The following CTNNA2 variants were observed in gnomAD, a reference collection of about 807,000 sequenced individuals.
CTNNA2 encodes the protein catenin alpha-2.
Under a neutral mutation model 101.0 loss-of-function variants are expected in CTNNA2, and 42 were observed. That is an observed-to-expected ratio of 0.42 (90% CI 0.32 to 0.54). The LOEUF (loss-of-function observed/expected upper bound fraction) is 0.54, where lower values mean the gene tolerates loss of function less well. CTNNA2 is among the 20% of genes least tolerant of loss of function. CTNNA2 has a pLI of 0.14. For synonymous variants in CTNNA2, 450 were observed against 456.4 expected, an observed-to-expected ratio of 0.99 and a Z score of 0.18; for missense variants, 871 against 1,223.1, an observed-to-expected ratio of 0.71 and a Z score of 4.29.
chr2:79,507,318 A>G (rs1210638058), intron 5 of CTNNA2, among the ~76,000 whole-genome samples: 1 of 152,198 alleles, frequency 6.6e-6, no homozygotes, highest in Non-Finnish European at 1.5e-5. Flanking sequence ...ACAATGCAAC[A>G]GTGTTGAGAA....
chr2:80,080,832 T>C (rs1052694718), intron 7 of CTNNA2, among the ~76,000 whole-genome samples: 1 of 151,426 alleles, frequency 6.6e-6, no homozygotes, highest in Non-Finnish European at 1.5e-5. Context: ...AAGTCTAGTC[T>C]CTAGTATATA....
chr2:79,827,164 G>A (rs879338239), intron 3 of CTNNA2, among the ~76,000 whole-genome samples: 3 of 151,814 alleles, frequency 2.0e-5, no homozygotes, highest in Non-Finnish European at 2.9e-5. Flanking sequence ...GCAGCCTCCC[G>A]AGTAGCTAGG....
At chr2:80,622,765 C>G (rs979926424) in intron 18 of CTNNA2, among the ~76,000 whole-genome samples, 1 of 151,840 alleles carries the variant, frequency 6.6e-6, no homozygotes, top group East Asian at 2.0e-4. Flanking sequence ...GAGTCTCTTC[C>G]AAGTTATTAC....
At chr2:80,067,548 G>A (rs1388306024) in intron 7 of CTNNA2, among the ~76,000 whole-genome samples, 1 of 152,100 alleles carries the variant, frequency 6.6e-6, no homozygotes, top group Non-Finnish European at 1.5e-5. Flanking sequence ...GTTGTTTAAG[G>A]AAAATTATTT....
chr2:80,449,233 A>T (rs935212801), intron 9 of CTNNA2, among the ~76,000 whole-genome samples: 3 of 152,064 alleles, frequency 2.0e-5, no homozygotes, highest in Admixed American at 2.0e-4. Flanking sequence ...GCTATGATCA[A>T]TCATGCCACT....
chr2:79,221,604 A>AT (rs76220212), intron 2 of CTNNA2, among the ~76,000 whole-genome samples: 76 of 148,650 alleles, frequency 5.1e-4, no homozygotes, highest in African/African-American at 1.1e-3. Context: ...AGCTTGGCAA[A>AT]TTTTTTTTTT....
chr2:79,667,438 T>C (rs1292306955), intron 2 of CTNNA2, among the ~76,000 whole-genome samples: 1 of 152,194 alleles, frequency 6.6e-6, no homozygotes, highest in Non-Finnish European at 1.5e-5. Flanking sequence ...ACCTGGAGGG[T>C]TCTTTTTTGC....
At chr2:79,262,910 A>T (rs1674942235) in intron 2 of CTNNA2, among the ~76,000 whole-genome samples, 2 of 152,138 alleles carry the variant, frequency 1.3e-5, no homozygotes, top group East Asian at 1.9e-4. Flanking sequence ...CCCTACCACC[A>T]TTCTAGGTGC....
chr2:79,769,037 A>G (rs1247240294), intron 3 of CTNNA2, among the ~76,000 whole-genome samples: 1 of 151,972 alleles, frequency 6.6e-6, no homozygotes, highest in African/African-American at 2.4e-5. Context: ...TTGTATTTTT[A>G]GTAGAGAAGA....
At chr2:80,432,078 T>TTG (rs1681583056) in intron 9 of CTNNA2, among the ~76,000 whole-genome samples, 1 of 152,138 alleles carries the variant, frequency 6.6e-6, no homozygotes, top group African/African-American at 2.4e-5. Context: ...GAAATTAATA[T>TTG]AAAAATTACT....
At chr2:79,934,011 C>A (rs1687624227) in intron 7 of CTNNA2, among the ~76,000 whole-genome samples, 1 of 152,078 alleles carries the variant, frequency 6.6e-6, no homozygotes, top group Non-Finnish European at 1.5e-5. Flanking sequence ...CAGAAGAGGT[C>A]TATGTTTTAG....
chr2:79,727,448 A>G (rs1165086499), intron 2 of CTNNA2, among the ~76,000 whole-genome samples: 1 of 152,152 alleles, frequency 6.6e-6, no homozygotes, highest in Non-Finnish European at 1.5e-5. Flanking sequence ...GAGATCTCTG[A>G]TATTCTTTTG....
At chr2:79,982,317 CAT>C (rs1040250061) in intron 7 of CTNNA2, among the ~76,000 whole-genome samples, 6 of 134,638 alleles carry the variant, frequency 4.5e-5, no homozygotes, top group Admixed American at 2.3e-4. Context: ...ACATATATAA[CAT>C]ATATAACACA....
In CTNNA2 at chr2:79,852,403, G is replaced by A. The variant is rs183292694; in HGVS notation, c.299-5610G>A. Among the ~76,000 whole-genome samples the A allele has an allele frequency of 1.4e-3, 209 of 152,198 alleles. 1 individual carries two copies. The highest frequency in any genetic ancestry group is 4.4e-3 in the Admixed American group (67 of 15,290). On this transcript the variant is annotated intron_variant, in intron 3 of 18. Transcript: ENST00000402739. ...AATACATTGCAATTCCTTTCCCTAC[G>A]TGGCTTTTCATGTCTTAATCTGCTC...
chr2:80,507,275 C>T (rs1688352170), intron 9 of CTNNA2, among the ~76,000 whole-genome samples: 1 of 150,946 alleles, frequency 6.6e-6, no homozygotes, highest in Non-Finnish European at 1.5e-5. Context: ...TGACTCTTTA[C>T]CACTACCACC....
In CTNNA2 at chr2:80,368,867, G is replaced by GTGTATATA. The variant is rs112571951; in HGVS notation, c.1057-24343_1057-24342insGTATATAT. On this transcript the variant is annotated intron_variant, in intron 7 of 18. Coordinates refer to ENST00000402739, the MANE Select transcript of CTNNA2 (RefSeq NM_001282597.3). ...TATATATGTGTGTGTGTGTGTGTGT[G>GTGTATATA]TATATATATATATATATTTGGCACG... Among the ~76,000 whole-genome samples the GTGTATATA allele has an allele frequency of 8.6e-4, 125 of 144,762 alleles. 1 individual carries two copies. Among genetic ancestry groups the GTGTATATA allele is most frequent in the East Asian group, 8.0e-3 (39 of 4,904 alleles). 95.0% of individuals were successfully genotyped at this position (144,762 alleles called of 152,430 possible). A position where few individuals can be genotyped will look rare whatever the true frequency, so the allele number is the denominator to read the frequency against.
intron 4 of CTNNA2, among the ~76,000 whole-genome samples, chr2:79,486,442 A>C (rs4586650): frequency 0.7 from 105,604 of 151,936 alleles, 36,929 homozygotes; most frequent in African/African-American, 0.75. Context: ...CCATGGTGTA[A>C]ATGTGCCACA....
intron 7 of CTNNA2, among the ~76,000 whole-genome samples, chr2:79,951,292 A>G (rs971185124): frequency 1.3e-5 from 2 of 152,174 alleles, no homozygotes; most frequent in African/African-American, 4.8e-5. Flanking sequence ...CCGCCCAAAG[A>G]TAAAGTGCTT....
intron 14 of CTNNA2, among the ~76,000 whole-genome samples, chr2:80,587,004 C>T (rs111522335): frequency 1.3e-5 from 2 of 152,050 alleles, no homozygotes; most frequent in Non-Finnish European, 2.9e-5. Flanking sequence ...GACCCTTGCC[C>T]CACTTGGTTG....
Sources: gnomAD v4.1 joint callset for allele counts (sites outside exome capture counted in the v4.1 genomes callset) on GRCh38, gnomAD v4.1.1 for gene constraint, MANE v1.5 for transcripts, NCBI Gene and HGNC (gene_info 2026-07-23, HGNC 2026-07-21) for gene names.